The following ANOS1 variants were observed in gnomAD, a reference collection of about 807,000 sequenced individuals.
ANOS1 encodes the protein anosmin-1.
ANOS1 carries 6 observed loss-of-function variants against 59.0 expected under a neutral mutation model. The ratio of observed to expected loss-of-function variants is 0.10; its 90% CI spans 0.06 to 0.20. ANOS1 has a LOEUF of 0.20. ANOS1 is among the 10% of genes least tolerant of loss of function. The pLI, the probability that ANOS1 is intolerant of heterozygous loss-of-function variation, is 1.00. For missense variants in ANOS1, 433 were observed against 542.3 expected (o/e 0.80, Z 2.00); for synonymous variants, 217 against 223.4 (o/e 0.97, Z 0.25).
chrX:8,663,169 C>T (rs772828904), intron 2 of ANOS1, among the ~76,000 whole-genome samples: 255 of 112,189 alleles, frequency 2.3e-3, no homozygotes, highest in African/African-American at 7.7e-3. Flanking sequence ...GTTCACACTT[C>T]CAGTCTCCAA....
intron 2 of ANOS1, among the ~76,000 whole-genome samples, chrX:8,668,430 T>TACACACAC (rs1555900813): frequency 5.1e-4 from 41 of 80,242 alleles, no homozygotes; most frequent in Non-Finnish European, 7.6e-4. Context: ...TATATATATA[T>TACACACAC]ACACACACAT....
intron 2 of ANOS1, among the ~76,000 whole-genome samples, chrX:8,648,895 C>A (rs2146862683): frequency 8.9e-6 from 1 of 111,884 alleles, no homozygotes; most frequent in South Asian, 3.8e-4. Context: ...CTACCAGCAT[C>A]AGGTGCACTC....
At position 8,732,053 on chromosome X, in the gene ANOS1, C is replaced by T; in HGVS notation, c.-17G>A. 7 of 925,183 alleles carry T rather than the reference C, an allele frequency of 7.6e-6. No homozygotes were observed. The highest frequency in any genetic ancestry group is 9.4e-6 in the Non-Finnish European group (7 of 745,709). 76.2% of individuals were successfully genotyped at this position (925,183 alleles called of 1,213,427 possible). On this transcript the variant is annotated 5_prime_UTR_variant, in exon 1 of 14. Transcript: ENST00000262648. ...GGGCACCATGGCTGCGGGTCGAGGG[C>T]GAGGGCGAGGGCGCCGGGCGCGGGC...
intron 2 of ANOS1, among the ~76,000 whole-genome samples, chrX:8,680,663 G>A (rs955173641): frequency 9.0e-6 from 1 of 111,314 alleles, no homozygotes; most frequent in Non-Finnish European, 1.9e-5. Context: ...TGAGAACACT[G>A]CTCTCAGCTC....
intron 2 of ANOS1, among the ~76,000 whole-genome samples, chrX:8,647,191 C>T (rs900753823): frequency 3.6e-5 from 4 of 110,522 alleles, no homozygotes; most frequent in African/African-American, 9.9e-5. Flanking sequence ...TTAGCAACTT[C>T]GATGCTAGTA....
intron 3 of ANOS1, among the ~76,000 whole-genome samples, chrX:8,615,085 G>A (rs1284313093): frequency 9.1e-6 from 1 of 110,430 alleles, no homozygotes; most frequent in African/African-American, 3.3e-5. Flanking sequence ...CGTCCCCTAA[G>A]TCGAAAAGAA....
intron 2 of ANOS1, among the ~76,000 whole-genome samples, chrX:8,661,979 G>A (rs145731074): frequency 6.3e-4 from 71 of 111,813 alleles, no homozygotes; most frequent in African/African-American, 2.1e-3. Flanking sequence ...TTAAGGACAC[G>A]CTGAGCACAG....
At chrX:8,545,396 G>A (rs1479942499) in intron 9 of ANOS1, among the ~76,000 whole-genome samples, 2 of 104,077 alleles carry the variant, frequency 1.9e-5, no homozygotes, top group African/African-American at 3.5e-5. Context: ...AGGAAGGAAG[G>A]AAGGAAGGAA....
At chrX:8,719,690 A>C (rs1199504240) in intron 1 of ANOS1, among the ~76,000 whole-genome samples, 1 of 111,862 alleles carries the variant, frequency 8.9e-6, no homozygotes, top group East Asian at 2.8e-4. Flanking sequence ...CCATTATGTG[A>C]CTTTTTAAAT....
chrX:8,702,479 G>A (rs1932761940), intron 1 of ANOS1, among the ~76,000 whole-genome samples: 2 of 111,956 alleles, frequency 1.8e-5, no homozygotes, highest in Non-Finnish European at 3.8e-5. Context: ...CATTGAGCAT[G>A]CAGAAGCTGG....
chrX:8,536,188 CTTTTTTTTTTT>C (rs1304219147), intron 11 of ANOS1, among the ~76,000 whole-genome samples: 5 of 31,891 alleles, frequency 1.6e-4, no homozygotes, highest in Non-Finnish European at 2.2e-4. Context: ...AAATCCGAAG[CTTTTTTTTTTT>C]TTTTTTTTTT....
At chrX:8,621,807 C>T (rs190749587) in intron 3 of ANOS1, among the ~76,000 whole-genome samples, 16 of 111,628 alleles carry the variant, frequency 1.4e-4, no homozygotes, top group African/African-American at 4.9e-4. Context: ...ATCTTTCATC[C>T]AGGAGAAAAT....
At chrX:8,706,839 C>A (rs769331032) in intron 1 of ANOS1, among the ~76,000 whole-genome samples, 1 of 112,221 alleles carries the variant, frequency 8.9e-6, no homozygotes, top group Admixed American at 9.5e-5. Context: ...AGAAAAAAGT[C>A]TCTCTGTATT....
intron 8 of ANOS1, among the ~76,000 whole-genome samples, chrX:8,567,335 T>C (rs73472346): frequency 0.017 from 1,846 of 111,700 alleles, 43 homozygotes; most frequent in African/African-American, 0.057. Flanking sequence ...TTATGACCAC[T>C]GTGTAGTACT....
chrX:8,587,574 T>G (rs963466359), intron 5 of ANOS1, among the ~76,000 whole-genome samples: 1 of 112,106 alleles, frequency 8.9e-6, no homozygotes, highest in Non-Finnish European at 1.9e-5. Flanking sequence ...TCCATGTGTA[T>G]TTGAACAAAT....
intron 2 of ANOS1, among the ~76,000 whole-genome samples, chrX:8,689,819 T>C (rs1254999721): frequency 1.8e-5 from 2 of 109,869 alleles, no homozygotes; most frequent in African/African-American, 3.3e-5. Context: ...AGAGACTTCA[T>C]GTCTTACTAA....
In ANOS1 at chrX:8,699,762, G is replaced by A; in HGVS notation, c.208-17C>T. On this transcript the variant is annotated splice_polypyrimidine_tract_variant and intron_variant, in intron 1 of 13. Coordinates refer to ENST00000262648, the MANE Select transcript of ANOS1 (RefSeq NM_000216.4). ...ACCATTGTTCTGCAAAAAGAAAAAG[G>A]AAAAATATTGATCCATTAGAAAGCT... is the stretch of plus-strand genomic sequence containing the variant. The A allele has an allele frequency of 8.8e-7, 1 of 1,142,437 alleles. No homozygotes were observed. The highest frequency in any genetic ancestry group is 1.2e-6 in the Non-Finnish European group (1 of 838,758). 94.1% of individuals were successfully genotyped at this position (1,142,437 alleles called of 1,213,427 possible). A position where few individuals can be genotyped will look rare whatever the true frequency, so the allele number is the denominator to read the frequency against.
At chrX:8,699,884 TCCTTC>T (rs1932737273) in intron 1 of ANOS1, 139 bp from the exon 2 acceptor site, 7 of 396,566 alleles carry the variant, frequency 1.8e-5, no homozygotes, top group Non-Finnish European at 3.1e-5. Flanking sequence ...AAACCTGCTG[TCCTTC>T]CCTTCCAATG....
At chrX:8,666,042 G>GA (rs370927290) in intron 2 of ANOS1, among the ~76,000 whole-genome samples, 7 of 106,057 alleles carry the variant, frequency 6.6e-5, no homozygotes, top group African/African-American at 2.1e-4. Context: ...TCTCTTCAAA[G>GA]AAAAAAAAAA....
Sources: allele counts gnomAD v4.1 joint callset (sites outside exome capture counted in the v4.1 genomes callset), GRCh38; gene constraint gnomAD v4.1.1; transcripts MANE v1.5; gene names NCBI Gene and HGNC (gene_info 2026-07-23, HGNC 2026-07-21).